ALK: variants seen among roughly 807,000 people sequenced by gnomAD.
ALK encodes ALK receptor tyrosine kinase, also known as ALK tyrosine kinase receptor.
ALK carries 74 observed loss-of-function variants against 163.1 expected under a neutral mutation model. The observed-to-expected ratio is 0.45, with a 90% CI of 0.38 to 0.55. The LOEUF (loss-of-function observed/expected upper bound fraction) is 0.55. Among genes scored for constraint, ALK ranks in the 20% least tolerant of loss-of-function variants. The pLI is 0.00. For missense variants in ALK, 2,063 were observed against 2,105.3 expected, an observed-to-expected ratio of 0.98 and a Z score of 0.39; for synonymous variants, 960 against 843.2, an observed-to-expected ratio of 1.14 and a Z score of -2.40.
At chr2:29,772,990 C>A (rs1033437751) in intron 1 of ALK, among the ~76,000 whole-genome samples, 4 of 151,954 alleles carry the variant, frequency 2.6e-5, no homozygotes, top group Non-Finnish European at 5.9e-5. Flanking sequence ...GGAGTTCCCA[C>A]ATTTATCTTT....
intron 26 of ALK, among the ~76,000 whole-genome samples, chr2:29,202,860 G>A (rs1669216857): frequency 1.3e-5 from 2 of 152,130 alleles, no homozygotes; most frequent in African/African-American, 4.8e-5. Context: ...TGTAAACAAT[G>A]TTGCAAGTGA....
chr2:29,210,543 C>T (rs887351446), intron 24 of ALK, among the ~76,000 whole-genome samples: 3 of 152,100 alleles, frequency 2.0e-5, no homozygotes, highest in African/African-American at 7.2e-5. Context: ...AGCAATTCTC[C>T]TATTTCAGCC....
chr2:29,854,057 G>C (rs1397245849), intron 1 of ALK, among the ~76,000 whole-genome samples: 1 of 151,752 alleles, frequency 6.6e-6, no homozygotes, highest in African/African-American at 2.4e-5. Flanking sequence ...TTATGGGTTT[G>C]AGCCACCGCA....
At chr2:29,886,706 T>C (rs1417150381) in intron 1 of ALK, among the ~76,000 whole-genome samples, 1 of 152,224 alleles carries the variant, frequency 6.6e-6, no homozygotes, top group Non-Finnish European at 1.5e-5. Context: ...AAGTTCACTT[T>C]GCACAAGTTA....
intron 1 of ALK, among the ~76,000 whole-genome samples, chr2:29,888,150 G>T (rs1667032525): frequency 6.6e-6 from 1 of 151,912 alleles, no homozygotes; most frequent in Admixed American, 6.6e-5. Flanking sequence ...TGATGTCTTG[G>T]TTTCTGGCAA....
chr2:29,895,332 C>A (rs1301814308), intron 1 of ALK, among the ~76,000 whole-genome samples: 1 of 152,148 alleles, frequency 6.6e-6, no homozygotes, highest in African/African-American at 2.4e-5. Flanking sequence ...ATTAGAAAGT[C>A]TTTTTTCATT....
chr2:29,331,896 C>T (rs550647378), intron 5 of ALK, among the ~76,000 whole-genome samples: 3 of 152,016 alleles, frequency 2.0e-5, no homozygotes, highest in African/African-American at 7.3e-5. Flanking sequence ...ATTTTGTTTC[C>T]AAATCACTTT....
intron 5 of ALK, among the ~76,000 whole-genome samples, chr2:29,340,117 CTG>C (rs1220854240): frequency 1.3e-5 from 2 of 152,166 alleles, no homozygotes; most frequent in African/African-American, 4.8e-5. Context: ...TAAATGACCT[CTG>C]TGTCTATTTT....
chr2:29,572,243 C>G (rs1674395750), intron 3 of ALK, among the ~76,000 whole-genome samples: 1 of 152,180 alleles, frequency 6.6e-6, no homozygotes, highest in Non-Finnish European at 1.5e-5. Flanking sequence ...GATTTCTTTT[C>G]TTGGAAATTG....
At chr2:29,817,271 T>A (rs2148375880) in intron 1 of ALK, among the ~76,000 whole-genome samples, 1 of 152,324 alleles carries the variant, frequency 6.6e-6, no homozygotes, top group Middle Eastern at 3.4e-3. Context: ...CCTAGTCCTT[T>A]CTTTGATTTC....
intron 20 of ALK, 117 bp downstream of exon 20, chr2:29,223,225 G>A (rs1669854581): frequency 1.8e-6 from 2 of 1,082,818 alleles, no homozygotes; most frequent in Non-Finnish European, 2.8e-6. Flanking sequence ...AGGGCTAGGG[G>A]TGCCCATAGG....
intron 25 of ALK, among the ~76,000 whole-genome samples, chr2:29,208,997 C>T (rs1669389992): frequency 6.6e-6 from 1 of 152,084 alleles, no homozygotes; most frequent in Non-Finnish European, 1.5e-5. Context: ...CTGATGGGTT[C>T]TGCGCTATAC....
intron 3 of ALK, among the ~76,000 whole-genome samples, chr2:29,588,733 A>G (rs1290704183): frequency 6.6e-6 from 1 of 152,230 alleles, no homozygotes; most frequent in African/African-American, 2.4e-5. Context: ...ATGTAAGCAA[A>G]TGAGTTTGGC....
intron 3 of ALK, among the ~76,000 whole-genome samples, chr2:29,669,780 C>T (rs1431555373): frequency 6.6e-6 from 1 of 151,136 alleles, no homozygotes; most frequent in Non-Finnish European, 1.5e-5. Flanking sequence ...TTGTGATTAC[C>T]ATAGGCTTAC....
intron 1 of ALK, 71 bp downstream of exon 1, chr2:29,919,922 T>A: frequency 6.4e-7 from 1 of 1,555,932 alleles, no homozygotes; most frequent in Non-Finnish European, 8.8e-7. Flanking sequence ...GAAGTGAAGA[T>A]TATTTAATGG....
At chr2:29,511,364 T>C (rs1672509151) in intron 4 of ALK, among the ~76,000 whole-genome samples, 1 of 152,304 alleles carries the variant, frequency 6.6e-6, no homozygotes, top group East Asian at 1.9e-4. Context: ...TTGCATTTTC[T>C]GGAATTACAT....
intron 1 of ALK, among the ~76,000 whole-genome samples, chr2:29,883,230 CAAAACAAT>C (rs2148419769): frequency 6.6e-6 from 1 of 152,284 alleles, no homozygotes; most frequent in Non-Finnish European, 1.5e-5. Context: ...TTAGGCAGGT[CAAAACAAT>C]GGTTATCCAG....
intron 4 of ALK, among the ~76,000 whole-genome samples, chr2:29,455,781 G>A (rs1670936254): frequency 6.6e-6 from 1 of 152,224 alleles, no homozygotes; most frequent in Non-Finnish European, 1.5e-5. Flanking sequence ...TCTGGGCTGT[G>A]CCCTTGACTG....
chr2:29,386,481 C>T (rs2148303840), intron 4 of ALK, among the ~76,000 whole-genome samples: 1 of 152,260 alleles, frequency 6.6e-6, no homozygotes, highest in South Asian at 2.1e-4. Flanking sequence ...CCGAATTTGT[C>T]TTGTTCTTCT....
Sources: gnomAD v4.1 joint callset for allele counts (sites outside exome capture counted in the v4.1 genomes callset) on GRCh38, gnomAD v4.1.1 for gene constraint, MANE v1.5 for transcripts, NCBI Gene and HGNC (gene_info 2026-07-23, HGNC 2026-07-21) for gene names.